The following TCF4 variants were observed in gnomAD, a reference collection of about 807,000 sequenced individuals.
TCF4 encodes the protein transcription factor 4.
TCF4 carries 3 observed loss-of-function variants against 82.1 expected under a neutral mutation model. That is an observed-to-expected ratio of 0.04 (90% CI 0.02 to 0.09). The LOEUF is 0.09. Ranked by LOEUF, TCF4 falls within the 10% of genes least tolerant of loss-of-function variation. The pLI, the probability that TCF4 is intolerant of heterozygous loss-of-function variation, is 1.00. For synonymous variants in TCF4, 276 were observed against 309.6 expected, an observed-to-expected ratio of 0.89 and a Z score of 1.14; for missense variants, 518 against 852.7, an observed-to-expected ratio of 0.61 and a Z score of 4.89.
chr18:55,610,938 A>G (rs149162110), intron 2 of TCF4, among the ~76,000 whole-genome samples: 2 of 152,276 alleles, frequency 1.3e-5, no homozygotes, highest in African/African-American at 4.8e-5. Context: ...TCTTATGGTG[A>G]AGAGTTAGAC....
chr18:55,248,991 C>T (rs779382446), intron 15 of TCF4, among the ~76,000 whole-genome samples: 7 of 152,142 alleles, frequency 4.6e-5, no homozygotes, highest in African/African-American at 9.7e-5. Context: ...GTGATCCACC[C>T]GCCTCGGCCT....
intron 5 of TCF4, among the ~76,000 whole-genome samples, chr18:55,419,602 C>G (rs2094653287): frequency 6.6e-6 from 1 of 152,134 alleles, no homozygotes; most frequent in Non-Finnish European, 1.5e-5. Flanking sequence ...TAGGCAGTGG[C>G]TCATGAGTAA....
intron 8 of TCF4, among the ~76,000 whole-genome samples, chr18:55,340,321 A>G (rs1319542466): frequency 1.3e-5 from 2 of 152,126 alleles, no homozygotes; most frequent in Non-Finnish European, 2.9e-5. Context: ...TTTGCAGACC[A>G]CTAGGTCTAA....
At chr18:55,267,571 A>T (rs1189353062) in intron 11 of TCF4, 1 of 152,160 alleles carries the variant, frequency 6.6e-6, no homozygotes, top group Non-Finnish European at 1.5e-5. Context: ...CAATTGGTGA[A>T]CATATTATTT....
At chr18:55,538,490 G>C (rs1240317697) in intron 3 of TCF4, among the ~76,000 whole-genome samples, 1 of 152,150 alleles carries the variant, frequency 6.6e-6, no homozygotes, top group Non-Finnish European at 1.5e-5. Flanking sequence ...CACTGTAGTT[G>C]GGGCCTGAGC....
intron 6 of TCF4, among the ~76,000 whole-genome samples, chr18:55,358,236 T>C (rs1166009102): frequency 6.6e-6 from 1 of 152,260 alleles, no homozygotes; most frequent in African/African-American, 2.4e-5. Context: ...CTAATGCTAT[T>C]GATCAAATCG....
chr18:55,501,723 C>A, intron 3 of TCF4, among the ~76,000 whole-genome samples: 1 of 151,904 alleles, frequency 6.6e-6, no homozygotes, highest in East Asian at 1.9e-4. Context: ...AAAAAACCTT[C>A]GCTGAAGAAA....
Position 55,303,226 on chromosome 18 carries a change from TACACACACACAC to T in TCF4, c.550-23582_550-23571del, listed in dbSNP as rs74180496. ...TACTTCCAACCTGGCTCCCAGTACG[TACACACACACAC>T]ACACACACACACACACACACACACA... On this transcript the variant is annotated intron_variant, in intron 8 of 19. Transcript: ENST00000354452. Among the ~76,000 whole-genome samples, 13 of 135,978 alleles carry T rather than the reference TACACACACACAC, an allele frequency of 9.6e-5. No individual in the cohort carries two copies. The South Asian group carries it at 1.1e-3, about 11-fold the overall frequency. 89.2% of individuals were successfully genotyped at this position (135,978 alleles called of 152,430 possible).
At chr18:55,234,796 A>G (rs2048885759) in intron 15 of TCF4, 113 bp from the exon 16 acceptor site, 2 of 1,509,174 alleles carry the variant, frequency 1.3e-6, no homozygotes, top group African/African-American at 2.7e-5. Flanking sequence ...ATACTCCCAA[A>G]CGCGTTTCAC....
intron 6 of TCF4, among the ~76,000 whole-genome samples, chr18:55,367,247 C>T (rs533811601): frequency 2.6e-5 from 4 of 152,076 alleles, no homozygotes; most frequent in Non-Finnish European, 4.4e-5. Flanking sequence ...TATGTGTATG[C>T]GAGTGTGTGT....
chr18:55,259,794 T>G (rs924501862), intron 13 of TCF4, 155 bp downstream of exon 13: 1 of 667,150 alleles, frequency 1.5e-6, no homozygotes. Context: ...ATCTGGTAAT[T>G]TGTCTCTCCC....
intron 3 of TCF4, among the ~76,000 whole-genome samples, chr18:55,576,849 G>T (rs1376721778): frequency 6.6e-6 from 1 of 151,826 alleles, no homozygotes; most frequent in Non-Finnish European, 1.5e-5. Flanking sequence ...CTTAAAACAT[G>T]AGGTTTTTTT....
intron 3 of TCF4, among the ~76,000 whole-genome samples, chr18:55,507,051 T>C (rs1409659120): frequency 6.6e-6 from 1 of 151,926 alleles, no homozygotes; most frequent in Non-Finnish European, 1.5e-5. Context: ...TTAGTAGAGA[T>C]GGGGTTTCAC....
intron 17 of TCF4, chr18:55,229,349 C>T (rs1599388127): frequency 4.0e-6 from 2 of 496,536 alleles, no homozygotes; most frequent in Non-Finnish European, 7.3e-6. Context: ...TGTGCCCATA[C>T]TGATACAGGG....
At chr18:55,413,043 G>C (rs1282034607) in intron 5 of TCF4, among the ~76,000 whole-genome samples, 1 of 152,246 alleles carries the variant, frequency 6.6e-6, no homozygotes, top group Middle Eastern at 3.4e-3. Flanking sequence ...TTCAAGCTAA[G>C]TTTACAGTGA....
intron 5 of TCF4, among the ~76,000 whole-genome samples, chr18:55,443,207 C>G (rs528289470): frequency 6.6e-6 from 1 of 152,272 alleles, no homozygotes; most frequent in African/African-American, 2.4e-5. Context: ...TCTGAGTATG[C>G]CTAGCTGTCA....
chr18:55,561,988 G>T (rs2097358986), intron 3 of TCF4, among the ~76,000 whole-genome samples: 2 of 152,216 alleles, frequency 1.3e-5, no homozygotes, highest in Non-Finnish European at 2.9e-5. Context: ...GGCTAAGAGG[G>T]GAGGCCCTAA....
intron 6 of TCF4, chr18:55,351,841 T>C: frequency 1.1e-6 from 1 of 918,922 alleles, no homozygotes; most frequent in Non-Finnish European, 1.3e-6. Context: ...GAACACATTG[T>C]TCTTTTAATT....
At chr18:55,392,362 C>T (rs1399276436) in intron 6 of TCF4, among the ~76,000 whole-genome samples, 2 of 150,462 alleles carry the variant, frequency 1.3e-5, no homozygotes, top group African/African-American at 4.9e-5. Flanking sequence ...TGTGTACCTA[C>T]AGTCCCAACT....
Sources: gnomAD v4.1 joint callset for allele counts (sites outside exome capture counted in the v4.1 genomes callset) on GRCh38, gnomAD v4.1.1 for gene constraint, MANE v1.5 for transcripts, NCBI Gene and HGNC (gene_info 2026-07-23, HGNC 2026-07-21) for gene names.